The following TBC1D5 variants were observed in gnomAD, a reference collection of about 807,000 sequenced individuals.
TBC1D5 encodes the protein TBC1 domain family member 5, also known as TBC1 domain family, member 5.
Under a neutral mutation model 100.3 loss-of-function variants are expected in TBC1D5, and 75 were observed. The ratio of observed to expected loss-of-function variants is 0.75; its 90% CI spans 0.62 to 0.91. TBC1D5 has a LOEUF of 0.91. Among genes scored for constraint, TBC1D5 ranks in the 40% least tolerant of loss-of-function variants. The pLI is 0.00. For synonymous variants in TBC1D5, 323 were observed against 325.6 expected (o/e 0.99, Z 0.09); for missense variants, 910 against 942.4 (o/e 0.97, Z 0.45).
intron 18 of TBC1D5, among the ~76,000 whole-genome samples, chr3:17,208,089 C>G (rs1175562887): frequency 6.6e-6 from 1 of 152,206 alleles, no homozygotes; most frequent in East Asian, 1.9e-4. Context: ...TCACACTGGC[C>G]TGGAAACGAA....
Position 17,488,031 on chromosome 3 carries a change from A to T in TBC1D5, c.97+20443T>A, listed in dbSNP as rs9871441. Among the ~76,000 whole-genome samples the T allele has an allele frequency of 9.4e-4, 143 of 152,316 alleles. 1 individual carries two copies. The highest frequency in any genetic ancestry group is 3.3e-3 in the African/African-American group (136 of 41,572). ...CATTAAGCTTCACTCTTTGTGCTAT[A>T]CATTTTATATGCTTTGACAACTTAT... On this transcript the variant is annotated intron_variant, in intron 3 of 21. Coordinates refer to ENST00000253692, the Ensembl canonical transcript of TBC1D5.
At chr3:17,623,809 A>G (rs2062858327) in intron 2 of TBC1D5, 40 bp downstream of exon 2, 1 of 152,200 alleles carries the variant, frequency 6.6e-6, no homozygotes, top group African/African-American at 2.4e-5. Context: ...TTGGGCATAC[A>G]TGACAGCTGA....
intron 1 of TBC1D5, among the ~76,000 whole-genome samples, chr3:17,711,935 C>G (rs1272439557): frequency 6.6e-6 from 1 of 152,156 alleles, no homozygotes; most frequent in East Asian, 1.9e-4. Flanking sequence ...GCCAAACTGT[C>G]TTTACTTTAT....
At chr3:17,203,739 C>T (rs554407382) in intron 18 of TBC1D5, among the ~76,000 whole-genome samples, 32 of 152,312 alleles carry the variant, frequency 2.1e-4, no homozygotes, top group Admixed American at 8.5e-4. Context: ...CTTTGCCTTC[C>T]GCCAAGATTG....
intron 3 of TBC1D5, among the ~76,000 whole-genome samples, chr3:17,469,206 T>A (rs571187829): frequency 1.5e-3 from 224 of 152,230 alleles, no homozygotes; most frequent in African/African-American, 5.3e-3. Flanking sequence ...GACTATCAAA[T>A]CAATAGTAAG....
chr3:17,626,515 A>G (rs1177959612), intron 1 of TBC1D5, among the ~76,000 whole-genome samples: 2 of 152,202 alleles, frequency 1.3e-5, no homozygotes, highest in Non-Finnish European at 2.9e-5. Context: ...CTTAGACCCA[A>G]GTGAAAAACA....
intron 3 of TBC1D5, among the ~76,000 whole-genome samples, chr3:17,453,092 A>AAAAAG (rs1157656596): frequency 6.6e-6 from 1 of 151,532 alleles, no homozygotes; most frequent in Admixed American, 6.6e-5. Flanking sequence ...AAAAAAAAAA[A>AAAAAG]AAAAGAAAAG....
intron 4 of TBC1D5, 138 bp from the exon 5 acceptor site, chr3:17,406,664 T>C: frequency 1.5e-6 from 1 of 647,324 alleles, no homozygotes; most frequent in East Asian, 2.9e-5. Flanking sequence ...GTGTACTGTT[T>C]CTGAACGCAT....
At chr3:17,641,607 C>A (rs1208814380) in intron 1 of TBC1D5, among the ~76,000 whole-genome samples, 2 of 152,108 alleles carry the variant, frequency 1.3e-5, no homozygotes, top group African/African-American at 2.4e-5. Context: ...TATTCCTCCT[C>A]CTACTACTAC....
intron 1 of TBC1D5, among the ~76,000 whole-genome samples, chr3:17,721,357 AT>A (rs973732296): frequency 1.3e-5 from 2 of 152,198 alleles, no homozygotes; most frequent in South Asian, 2.1e-4. Flanking sequence ...GTTTATAACC[AT>A]TTTTTTAACT....
chr3:17,428,707 T>C (rs904822633), intron 3 of TBC1D5, among the ~76,000 whole-genome samples, 188 bp from the exon 4 acceptor site: 1 of 151,904 alleles, frequency 6.6e-6, no homozygotes, highest in Non-Finnish European at 1.5e-5. Flanking sequence ...TATAAACCAA[T>C]GCCAATCCTA....
intron 4 of TBC1D5, among the ~76,000 whole-genome samples, chr3:17,424,788 G>GA (rs147147109): frequency 8.2e-5 from 12 of 147,046 alleles, no homozygotes; most frequent in South Asian, 6.5e-4. Context: ...AGGTTATTAA[G>GA]AAAAAAAAAA....
At chr3:17,642,681 C>T (rs1364580422) in intron 1 of TBC1D5, among the ~76,000 whole-genome samples, 1 of 152,096 alleles carries the variant, frequency 6.6e-6, no homozygotes, top group Non-Finnish European at 1.5e-5. Flanking sequence ...AAATTGTGGT[C>T]AGCAACAAGT....
chr3:17,188,821 T>G (rs548430267), intron 18 of TBC1D5, among the ~76,000 whole-genome samples: 1 of 152,368 alleles, frequency 6.6e-6, no homozygotes, highest in African/African-American at 2.4e-5. Context: ...TTGTTTTCAT[T>G]AAACTGGTCC....
At chr3:17,696,517 C>T (rs1179395086) in intron 1 of TBC1D5, among the ~76,000 whole-genome samples, 1 of 152,088 alleles carries the variant, frequency 6.6e-6, no homozygotes, top group African/African-American at 2.4e-5. Flanking sequence ...AGATGAATTC[C>T]TGGATACATA....
intron 1 of TBC1D5, among the ~76,000 whole-genome samples, chr3:17,679,331 T>C (rs2069130493): frequency 6.6e-6 from 1 of 151,470 alleles, no homozygotes; most frequent in African/African-American, 2.5e-5. Context: ...TAATAGATTA[T>C]TGGAAACAAG....
intron 3 of TBC1D5, among the ~76,000 whole-genome samples, chr3:17,484,272 T>C (rs758180497): frequency 3.3e-4 from 50 of 152,098 alleles, no homozygotes; most frequent in Admixed American, 1.0e-3. Context: ...ACAAACTTAA[T>C]CAAAAGGCCT....
intron 13 of TBC1D5, among the ~76,000 whole-genome samples, chr3:17,347,646 T>C (rs999886616): frequency 6.6e-6 from 1 of 151,946 alleles, no homozygotes; most frequent in East Asian, 1.9e-4. Flanking sequence ...CCCTACACTT[T>C]CTATCACTTA....
intron 13 of TBC1D5, among the ~76,000 whole-genome samples, chr3:17,368,510 TTGGACTCTACA>T (rs1345777065): frequency 2.6e-5 from 4 of 152,038 alleles, no homozygotes; most frequent in Admixed American, 2.6e-4. Flanking sequence ...AAAGTAGAAA[TTGGACTCTACA>T]TGGGGCTTAA....
Sources: gnomAD v4.1 joint callset for allele counts (sites outside exome capture counted in the v4.1 genomes callset) on GRCh38, gnomAD v4.1.1 for gene constraint, MANE v1.5 for transcripts, NCBI Gene and HGNC (gene_info 2026-07-23, HGNC 2026-07-21) for gene names.